LSAMP: variants seen among roughly 807,000 people sequenced by gnomAD.
The protein encoded by LSAMP is limbic system associated membrane protein.
Under a neutral mutation model 38.6 loss-of-function variants are expected in LSAMP, and 7 were observed. The ratio of observed to expected loss-of-function variants is 0.18; its 90% CI spans 0.10 to 0.34. LSAMP has a LOEUF of 0.34. Among genes scored for constraint, LSAMP ranks in the 10% least tolerant of loss-of-function variants. LSAMP has a pLI of 1.00. For synonymous variants in LSAMP, 154 were observed against 166.8 expected (o/e 0.92, Z 0.59); for missense variants, 313 against 420.0 (o/e 0.75, Z 2.23).
At chr3:116,077,006 A>G (rs1409365777) in intron 2 of LSAMP, among the ~76,000 whole-genome samples, 1 of 151,894 alleles carries the variant, frequency 6.6e-6, no homozygotes, top group Admixed American at 6.6e-5. Flanking sequence ...CAAGTTACCA[A>G]ACTATTGTTA....
At chr3:115,965,607 GT>G (rs57505678) in intron 3 of LSAMP, among the ~76,000 whole-genome samples, 35,269 of 136,994 alleles carry the variant, frequency 0.26, 4,814 homozygotes, top group African/African-American at 0.41. Flanking sequence ...TGTATTTTAG[GT>G]TTTTTTTTTT....
chr3:115,884,591 T>C (rs6769741), intron 3 of LSAMP, among the ~76,000 whole-genome samples: 13 of 151,860 alleles, frequency 8.6e-5, no homozygotes, highest in African/African-American at 3.1e-4. Context: ...CATCACTGTA[T>C]AGAAGATGAC....
chr3:116,324,927 T>TC (rs1221605194), intron 1 of LSAMP, among the ~76,000 whole-genome samples: 1 of 152,034 alleles, frequency 6.6e-6, no homozygotes, highest in African/African-American at 2.4e-5. Flanking sequence ...TCATATGACT[T>TC]CTATTGCCGT....
chr3:116,427,480 G>A (rs1055496579), intron 1 of LSAMP, among the ~76,000 whole-genome samples: 40 of 152,080 alleles, frequency 2.6e-4, no homozygotes, highest in Non-Finnish European at 5.1e-4. Flanking sequence ...GGCATTTTTT[G>A]AATAGCCATC....
intron 1 of LSAMP, among the ~76,000 whole-genome samples, chr3:116,415,151 C>CCATT (rs2049032682): frequency 6.6e-6 from 1 of 152,000 alleles, no homozygotes; most frequent in Non-Finnish European, 1.5e-5. Flanking sequence ...AGCATTCTCC[C>CCATT]CATTGCAATA....
At chr3:115,986,296 T>C (rs1392906300) in intron 3 of LSAMP, among the ~76,000 whole-genome samples, 2 of 152,052 alleles carry the variant, frequency 1.3e-5, no homozygotes, top group Non-Finnish European at 2.9e-5. Context: ...AAAACATGCT[T>C]GAGAGCTATT....
At chr3:115,869,818 T>TAGGC (rs1419364952) in intron 3 of LSAMP, among the ~76,000 whole-genome samples, 1 of 152,094 alleles carries the variant, frequency 6.6e-6, no homozygotes, top group East Asian at 1.9e-4. Context: ...CCTGTAGTGC[T>TAGGC]AGGCACAGAC....
At chr3:116,128,352 A>G (rs1425437355) in intron 1 of LSAMP, among the ~76,000 whole-genome samples, 1 of 152,244 alleles carries the variant, frequency 6.6e-6, no homozygotes, top group African/African-American at 2.4e-5. Context: ...TAGTAATGGT[A>G]TCTGAGCGTC....
intron 1 of LSAMP, among the ~76,000 whole-genome samples, chr3:116,431,667 G>A (rs909466056): frequency 9.9e-5 from 15 of 151,970 alleles, no homozygotes; most frequent in African/African-American, 3.1e-4. Context: ...TTCTAATCAC[G>A]TCTTCATATG....
intron 1 of LSAMP, among the ~76,000 whole-genome samples, chr3:116,154,208 A>G (rs1264914703): frequency 6.6e-6 from 1 of 152,150 alleles, no homozygotes; most frequent in Non-Finnish European, 1.5e-5. Flanking sequence ...CCTTGTCAGG[A>G]TAATTATTAA....
At chr3:116,413,617 A>G (rs1254622166) in intron 1 of LSAMP, among the ~76,000 whole-genome samples, 1 of 152,054 alleles carries the variant, frequency 6.6e-6, no homozygotes, top group Non-Finnish European at 1.5e-5. Flanking sequence ...TTGAATCAGC[A>G]CCAAAGTCCT....
At chr3:115,995,615 T>A (rs1231113621) in intron 3 of LSAMP, among the ~76,000 whole-genome samples, 1 of 152,132 alleles carries the variant, frequency 6.6e-6, no homozygotes, top group Non-Finnish European at 1.5e-5. Flanking sequence ...CCCAATAACC[T>A]ATTCAATGAC....
intron 1 of LSAMP, among the ~76,000 whole-genome samples, chr3:116,239,819 A>G (rs1400730143): frequency 1.3e-5 from 2 of 152,164 alleles, no homozygotes; most frequent in East Asian, 3.9e-4. Context: ...TATACCTTCT[A>G]TTCTACCACT....
chr3:116,135,937 A>T (rs1415769738), intron 1 of LSAMP, among the ~76,000 whole-genome samples: 1 of 152,176 alleles, frequency 6.6e-6, no homozygotes, highest in African/African-American at 2.4e-5. Flanking sequence ...TGATATAAAT[A>T]GCCTTAAAAA....
At chr3:115,880,756 G>T (rs1559864749) in intron 3 of LSAMP, among the ~76,000 whole-genome samples, 1 of 152,124 alleles carries the variant, frequency 6.6e-6, no homozygotes, top group African/African-American at 2.4e-5. Flanking sequence ...CATAGGCTGG[G>T]TGTGGTGGCT....
chr3:116,305,331 A>G (rs2047467702), intron 1 of LSAMP, among the ~76,000 whole-genome samples: 1 of 152,112 alleles, frequency 6.6e-6, no homozygotes, highest in Admixed American at 6.6e-5. Context: ...CAGTTCTAAA[A>G]TCTAGGACTA....
intron 1 of LSAMP, among the ~76,000 whole-genome samples, chr3:116,423,919 A>G (rs1022930862): frequency 7.2e-5 from 11 of 152,246 alleles, no homozygotes; most frequent in Non-Finnish European, 1.0e-4. Flanking sequence ...CAAAAAGAAA[A>G]TATCAGTATT....
intron 1 of LSAMP, among the ~76,000 whole-genome samples, chr3:116,382,665 T>C (rs185996750): frequency 1.3e-5 from 2 of 152,006 alleles, no homozygotes; most frequent in African/African-American, 4.8e-5. Context: ...AAAAATAAAA[T>C]AAAATATTTA....
At chr3:116,224,758 C>G (rs1401942709) in intron 1 of LSAMP, among the ~76,000 whole-genome samples, 4 of 152,082 alleles carry the variant, frequency 2.6e-5, no homozygotes, top group Non-Finnish European at 5.9e-5. Context: ...AGCCGTAGTT[C>G]TTGAGCTTAT....
Sources: allele counts gnomAD v4.1 joint callset (sites outside exome capture counted in the v4.1 genomes callset), GRCh38; gene constraint gnomAD v4.1.1; transcripts MANE v1.5; gene names NCBI Gene and HGNC (gene_info 2026-07-23, HGNC 2026-07-21).